The following BCAT1 variants were observed in gnomAD, a reference collection of about 807,000 sequenced individuals.
BCAT1 encodes the protein branched chain amino acid transaminase 1, also known as branched-chain-amino-acid aminotransferase, cytosolic.
In BCAT1, 48 loss-of-function variants were observed where a neutral mutation model predicts 52.4. The observed-to-expected ratio is 0.92, with a 90% confidence interval of 0.73 to 1.16. BCAT1 has a LOEUF of 1.16. BCAT1 is among the 50% of genes most tolerant of loss of function. BCAT1 has a pLI of 0.00. For synonymous variants in BCAT1, 167 were observed against 161.3 expected, an observed-to-expected ratio of 1.04 and a Z score of -0.27; for missense variants, 451 against 457.1, an observed-to-expected ratio of 0.99 and a Z score of 0.12.
intron 3 of BCAT1, among the ~76,000 whole-genome samples, chr12:24,891,872 C>A (rs1394280921): frequency 2.0e-5 from 3 of 151,652 alleles, no homozygotes; most frequent in African/African-American, 7.3e-5. Context: ...CCTCAGCCTC[C>A]TAAGTAGCTT....
Position 24,836,614 on chromosome 12 carries a change from G to A in BCAT1, c.818-18C>T. The A allele has an allele frequency of 6.3e-7, 1 of 1,594,224 alleles. No homozygotes were observed. Among genetic ancestry groups the A allele is most frequent in the Non-Finnish European group, 8.6e-7 (1 of 1,166,206 alleles). On this transcript the variant is annotated intron_variant, in intron 7 of 10. Transcript: ENST00000261192. ...TTCTTCTTCTGTCAATCAGAAATTG[G>A]GACATTTTCAAACTTTCACTACATT...
At chr12:24,841,679 G>T (rs1257057509) in intron 7 of BCAT1, among the ~76,000 whole-genome samples, 1 of 152,146 alleles carries the variant, frequency 6.6e-6, no homozygotes, top group Admixed American at 6.5e-5. Context: ...AAGGCCGGTG[G>T]ATCACCTGAG....
chr12:24,872,200 A>G (rs1185783583), intron 5 of BCAT1, among the ~76,000 whole-genome samples: 3 of 152,218 alleles, frequency 2.0e-5, no homozygotes, highest in African/African-American at 7.2e-5. Flanking sequence ...TACAGGCTGA[A>G]TTGTATGTTC....
chr12:24,822,478 C>T (rs143601214), intron 10 of BCAT1, among the ~76,000 whole-genome samples: 1 of 152,244 alleles, frequency 6.6e-6, no homozygotes, highest in Non-Finnish European at 1.5e-5. Flanking sequence ...CATGTCATGC[C>T]AAAAGTAATG....
At chr12:24,846,583 A>G (rs1941350736) in intron 6 of BCAT1, among the ~76,000 whole-genome samples, 1 of 152,230 alleles carries the variant, frequency 6.6e-6, no homozygotes, top group Non-Finnish European at 1.5e-5. Context: ...TTCTAAGATA[A>G]AGAGAGTCCA....
chr12:24,840,359 G>C (rs778049871), intron 7 of BCAT1, among the ~76,000 whole-genome samples: 9 of 152,200 alleles, frequency 5.9e-5, no homozygotes, highest in Non-Finnish European at 1.2e-4. Flanking sequence ...AGAGTGGGCA[G>C]ATGGGAAGAA....
At chr12:24,846,479 A>G (rs1323230474) in intron 6 of BCAT1, among the ~76,000 whole-genome samples, 1 of 152,244 alleles carries the variant, frequency 6.6e-6, no homozygotes, top group Non-Finnish European at 1.5e-5. Context: ...GAAACATTTC[A>G]ATATGGTTTT....
chr12:24,906,934 ACAAC>A (rs1352962159), intron 1 of BCAT1, among the ~76,000 whole-genome samples: 1 of 152,162 alleles, frequency 6.6e-6, no homozygotes, highest in Non-Finnish European at 1.5e-5. Flanking sequence ...TCTTAGCATG[ACAAC>A]CAGTGAAAAT....
At chr12:24,906,679 A>G (rs1943231446) in intron 1 of BCAT1, among the ~76,000 whole-genome samples, 1 of 152,182 alleles carries the variant, frequency 6.6e-6, no homozygotes, top group Non-Finnish European at 1.5e-5. Flanking sequence ...CTGTATTTGA[A>G]AAACGGGACA....
At chr12:24,944,331 A>G (rs1943902460) in intron 1 of BCAT1, among the ~76,000 whole-genome samples, 1 of 152,244 alleles carries the variant, frequency 6.6e-6, no homozygotes, top group Non-Finnish European at 1.5e-5. Context: ...AATGAAATGC[A>G]CTTGGCAAAA....
Position 24,829,882 on chromosome 12 carries a change from T to C in BCAT1, c.1060A>G (p.Thr354Ala). The C allele has an allele frequency of 6.2e-7, 1 of 1,610,076 alleles. No individual in the cohort carries two copies. Among genetic ancestry groups the C allele is most frequent in the South Asian group, 1.1e-5 (1 of 90,300 alleles). ...GCCAGCTTAGGACCATTCTCCATAGTTGGAATGTGTATTGTCTACAAAAGA... is the reference window on the plus strand; with the variant it reads ...GCCAGCTTAGGACCATTCTCCATAGCTGGAATGTGTATTGTCTACAAAAGA... Reference protein sequence around the residue: ...LYKGETIHIPTMENGPKLASR... With the variant: ...LYKGETIHIPAMENGPKLASR... The change falls in exon 10 of 11, where the codon ACT becomes GCT. Residue 354 changes from threonine (T) to alanine (A), a missense_variant. Transcript: ENST00000261192.
intron 7 of BCAT1, among the ~76,000 whole-genome samples, chr12:24,836,851 A>G (rs1940956310): frequency 9.2e-6 from 1 of 108,672 alleles, no homozygotes; most frequent in Non-Finnish European, 2.1e-5. Context: ...AGAGAGAGAA[A>G]GAAAGGAAGG....
At chr12:24,888,581 C>T (rs1389276746) in intron 3 of BCAT1, among the ~76,000 whole-genome samples, 1 of 152,190 alleles carries the variant, frequency 6.6e-6, no homozygotes, top group Non-Finnish European at 1.5e-5. Flanking sequence ...AGGCACCTTG[C>T]ACAGCCCTGG....
intron 5 of BCAT1, among the ~76,000 whole-genome samples, chr12:24,868,369 A>G (rs759369056): frequency 7.2e-5 from 11 of 152,242 alleles, no homozygotes; most frequent in Non-Finnish European, 1.3e-4. Context: ...TGCCAAAATG[A>G]AAAGATCTCC....
chr12:24,836,944 A>AAAG (rs1307572338), intron 7 of BCAT1, among the ~76,000 whole-genome samples: 1 of 122,222 alleles, frequency 8.2e-6, no homozygotes, highest in Admixed American at 7.9e-5. Context: ...GAAAGAAAGA[A>AAAG]AGAAAGAAAG....
At chr12:24,850,382 T>A (rs1206537229) in intron 5 of BCAT1, among the ~76,000 whole-genome samples, 1 of 152,210 alleles carries the variant, frequency 6.6e-6, no homozygotes, top group Non-Finnish European at 1.5e-5. Flanking sequence ...ATAGCCTAAG[T>A]GACTGCTTCA....
chr12:24,849,972 A>G (rs755140029), intron 5 of BCAT1, 23 bp from the exon 6 acceptor site: 46 of 1,568,724 alleles, frequency 2.9e-5, no homozygotes, highest in Non-Finnish European at 3.6e-5. Flanking sequence ...AGAAGTACAT[A>G]CAACTGTAAC....
At chr12:24,865,429 C>G (rs1405999027) in intron 5 of BCAT1, among the ~76,000 whole-genome samples, 1 of 152,174 alleles carries the variant, frequency 6.6e-6, no homozygotes, top group African/African-American at 2.4e-5. Context: ...GAATGTATGT[C>G]TTCACATGCA....
At chr12:24,859,684 T>G (rs1002597736) in intron 5 of BCAT1, among the ~76,000 whole-genome samples, 1 of 149,446 alleles carries the variant, frequency 6.7e-6, no homozygotes, top group Non-Finnish European at 1.5e-5. Context: ...TTTGGCTAAA[T>G]AAATGACTTT....
Sources: gnomAD v4.1 joint callset for allele counts (sites outside exome capture counted in the v4.1 genomes callset) on GRCh38, gnomAD v4.1.1 for gene constraint, MANE v1.5 for transcripts, NCBI Gene and HGNC (gene_info 2026-07-23, HGNC 2026-07-21) for gene names.